The following PDE6A variants were observed in gnomAD, a reference collection of about 807,000 sequenced individuals.
PDE6A encodes the protein phosphodiesterase 6A.
PDE6A carries 84 observed loss-of-function variants against 106.3 expected under a neutral mutation model. The ratio of observed to expected loss-of-function variants is 0.79; its 90% confidence interval spans 0.66 to 0.95. PDE6A has a LOEUF of 0.95. PDE6A is among the 40% of genes least tolerant of loss of function. The probability of loss-of-function intolerance (pLI) is 0.00; values close to 1 mark genes in which losing one functional copy is unlikely to be tolerated. For missense variants in PDE6A, 1,052 were observed against 1,084.9 expected (o/e 0.97, Z 0.43); for synonymous variants, 394 against 386.6 (o/e 1.02, Z -0.23).
intron 4 of PDE6A, among the ~76,000 whole-genome samples, chr5:149,928,221 A>T (rs1419141295): frequency 5.9e-5 from 2 of 33,776 alleles, no homozygotes; most frequent in African/African-American, 5.7e-4. Flanking sequence ...ATATATATAT[A>T]TATATATATA....
At chr5:149,940,706 C>T (rs1243302787) in intron 1 of PDE6A, among the ~76,000 whole-genome samples, 1 of 152,016 alleles carries the variant, frequency 6.6e-6, no homozygotes, top group Non-Finnish European at 1.5e-5. Flanking sequence ...CCATGTTGGC[C>T]AGGCTGGTTT....
chr5:149,908,357 A>C (rs964931109), intron 6 of PDE6A, among the ~76,000 whole-genome samples: 5 of 152,222 alleles, frequency 3.3e-5, no homozygotes, highest in African/African-American at 1.2e-4. Context: ...AAGTCATAAG[A>C]TATTTGTATC....
chr5:149,900,383 A>ATATATATATG (rs1368343306), intron 8 of PDE6A, among the ~76,000 whole-genome samples: 2 of 110,548 alleles, frequency 1.8e-5, no homozygotes, highest in Non-Finnish European at 3.5e-5. Flanking sequence ...ATGTATATAT[A>ATATATATATG]TATATATATA....
intron 21 of PDE6A, 85 bp from the exon 22 acceptor site, chr5:149,861,056 G>A: frequency 7.9e-7 from 1 of 1,258,916 alleles, no homozygotes. Context: ...ACCAAGAGTT[G>A]CAAACTCAAA....
intron 1 of PDE6A, among the ~76,000 whole-genome samples, chr5:149,939,507 AT>A (rs1561791117): frequency 6.6e-6 from 1 of 152,196 alleles, no homozygotes; most frequent in African/African-American, 2.4e-5. Flanking sequence ...ATCACTTAGA[AT>A]AGATCCTTAA....
intron 4 of PDE6A, among the ~76,000 whole-genome samples, chr5:149,923,948 A>G (rs1299686221): frequency 6.6e-6 from 1 of 152,216 alleles, no homozygotes; most frequent in Non-Finnish European, 1.5e-5. Flanking sequence ...CCAGAGAAGC[A>G]GAAGGGAAGC....
chr5:149,909,689 T>A (rs1295967746), intron 6 of PDE6A, among the ~76,000 whole-genome samples: 2 of 152,236 alleles, frequency 1.3e-5, no homozygotes, highest in African/African-American at 2.4e-5. Flanking sequence ...CATGTGCATT[T>A]GAGGCTGTAA....
At chr5:149,907,035 G>A (rs3776060) in intron 7 of PDE6A, among the ~76,000 whole-genome samples, 25,354 of 152,104 alleles carry the variant, frequency 0.17, 2,202 homozygotes, top group African/African-American at 0.21. Flanking sequence ...GCCCCCCAAA[G>A]TTCTGGGATT....
intron 4 of PDE6A, among the ~76,000 whole-genome samples, chr5:149,929,200 C>A (rs1194938153): frequency 6.6e-6 from 1 of 152,098 alleles, no homozygotes; most frequent in East Asian, 1.9e-4. Flanking sequence ...TAGATCAGAT[C>A]TGAAAACTCA....
intron 17 of PDE6A, among the ~76,000 whole-genome samples, chr5:149,869,640 C>T (rs917854482): frequency 2.6e-5 from 4 of 152,212 alleles, no homozygotes; most frequent in Non-Finnish European, 4.4e-5. Context: ...CAGTGGGGAA[C>T]GGTTGAAGGT....
intron 4 of PDE6A, among the ~76,000 whole-genome samples, chr5:149,922,342 C>T (rs946895312): frequency 1.3e-5 from 2 of 151,722 alleles, no homozygotes; most frequent in African/African-American, 4.9e-5. Context: ...GACAGGGTCT[C>T]GCTCTGTTGC....
intron 21 of PDE6A, among the ~76,000 whole-genome samples, chr5:149,862,563 A>G (rs1173109922): frequency 1.3e-5 from 2 of 152,220 alleles, no homozygotes; most frequent in East Asian, 3.9e-4. Context: ...GTTCGAGACC[A>G]GCCTGGCCAA....
intron 12 of PDE6A, among the ~76,000 whole-genome samples, chr5:149,895,922 G>A (rs1377838358): frequency 6.6e-6 from 1 of 152,132 alleles, no homozygotes; most frequent in Non-Finnish European, 1.5e-5. Flanking sequence ...AGGCAATTCT[G>A]CATATCATAT....
At chr5:149,886,425 G>A in intron 13 of PDE6A, 51 bp from the exon 14 acceptor site, 2 of 1,417,930 alleles carry the variant, frequency 1.4e-6, no homozygotes, top group South Asian at 1.2e-5. Flanking sequence ...GGGGCTGGAA[G>A]CAGGGCTGAA....
intron 4 of PDE6A, among the ~76,000 whole-genome samples, chr5:149,923,348 A>G (rs1485585322): frequency 6.6e-6 from 1 of 151,994 alleles, no homozygotes; most frequent in Non-Finnish European, 1.5e-5. Context: ...AAATACAAAA[A>G]TTAGCCGGGC....
chr5:149,917,086 G>A (rs1224789643), intron 5 of PDE6A, among the ~76,000 whole-genome samples: 6 of 149,092 alleles, frequency 4.0e-5, no homozygotes, highest in South Asian at 2.1e-4. Flanking sequence ...TTGCTCTGTC[G>A]CCCAAGCTGG....
chr5:149,923,520 TAACATAACATAACATAAC>T (rs1253230343), intron 4 of PDE6A, among the ~76,000 whole-genome samples: 1 of 37,640 alleles, frequency 2.7e-5, no homozygotes, highest in Non-Finnish European at 5.4e-5. Context: ...TAACATAACA[TAACATAACATAACATAAC>T]ATAACATAAC....
At chr5:149,934,057 G>A (rs780663426) in intron 2 of PDE6A, 38 bp from the exon 3 acceptor site, 105 of 1,141,774 alleles carry the variant, frequency 9.2e-5, no homozygotes, top group Non-Finnish European at 1.3e-4. Flanking sequence ...CAGGTGAGAA[G>A]AAGAAATCCA....
At position 149,899,528 on chromosome 5, in the gene PDE6A, C is replaced by T. The variant is rs368623577; in HGVS notation, c.1114-4G>A. ...CAGACTCATCCAGAGGTTCTTTCTA[C>T]AAGAGAAGGGCTAGATTAGGTTTCC... On this transcript the variant is annotated splice_polypyrimidine_tract_variant and splice_region_variant and intron_variant, in intron 8 of 21. Coordinates refer to ENST00000255266, the MANE Select transcript of PDE6A (RefSeq NM_000440.3). 3.7e-6 allele frequency: 6 copies of T among 1,613,892 alleles called. No individual in the cohort carries two copies. In the African/African-American group the frequency reaches 4.0e-5, roughly 11 times the overall value.
Sources: allele counts gnomAD v4.1 joint callset (sites outside exome capture counted in the v4.1 genomes callset), GRCh38; gene constraint gnomAD v4.1.1; transcripts MANE v1.5; gene names NCBI Gene and HGNC (gene_info 2026-07-23, HGNC 2026-07-21).